The following TRPM6 variants were observed in gnomAD, a reference collection of about 807,000 sequenced individuals.
TRPM6 encodes the protein channel kinase 2.
In TRPM6, 111 loss-of-function variants were observed where a neutral mutation model predicts 247.6. The observed-to-expected ratio is 0.45, with a 90% CI of 0.38 to 0.52. The LOEUF (loss-of-function observed/expected upper bound fraction) is 0.52. Ranked by LOEUF, TRPM6 falls within the 20% of genes least tolerant of loss-of-function variation. TRPM6 has a pLI of 0.00. For missense variants in TRPM6, 2,126 were observed against 2,421.5 expected, an observed-to-expected ratio of 0.88 and a Z score of 2.56; for synonymous variants, 892 against 853.8, an observed-to-expected ratio of 1.04 and a Z score of -0.78.
intron 17 of TRPM6, among the ~76,000 whole-genome samples, chr9:74,797,613 T>C (rs1045185035): frequency 6.6e-6 from 1 of 152,166 alleles, no homozygotes; most frequent in African/African-American, 2.4e-5. Flanking sequence ...GTGGAACCCA[T>C]GGATATGAAG....
intron 18 of TRPM6, among the ~76,000 whole-genome samples, chr9:74,794,011 A>G (rs1210220226): frequency 1.3e-5 from 2 of 152,180 alleles, no homozygotes; most frequent in Non-Finnish European, 2.9e-5. Flanking sequence ...AAAAGAAAAG[A>G]GAAAAAGGAA....
intron 29 of TRPM6, 126 bp from the exon 30 acceptor site, chr9:74,750,848 T>C: frequency 1.1e-6 from 1 of 875,952 alleles, no homozygotes; most frequent in South Asian, 1.4e-5. Flanking sequence ...TGAATATTCT[T>C]CTTTTAAAAA....
chr9:74,878,577 A>C (rs1831261895), intron 1 of TRPM6, among the ~76,000 whole-genome samples: 1 of 152,216 alleles, frequency 6.6e-6, no homozygotes, highest in African/African-American at 2.4e-5. Context: ...CCAGAATCAA[A>C]GCCAAAGTGC....
chr9:74,836,530 T>C lies in TRPM6; in HGVS notation c.545-2408A>G, dbSNP rs144825992. Among the ~76,000 whole-genome samples the C allele has an allele frequency of 2.1e-3, 323 of 152,256 alleles. 6 individuals carry two copies. The highest frequency in any genetic ancestry group is 7.4e-3 in the African/African-American group (308 of 41,556). ...CATCCACCCCAGTAGAGATTCTGAT[T>C]CCATGGTTTGGCATGGTGTGCCAAC... On this transcript the variant is annotated intron_variant, in intron 5 of 38. Transcript: ENST00000360774.
intron 21 of TRPM6, among the ~76,000 whole-genome samples, chr9:74,783,425 G>C (rs1343947938): frequency 6.6e-6 from 1 of 152,230 alleles, no homozygotes; most frequent in African/African-American, 2.4e-5. Flanking sequence ...GGCTGGGGCT[G>C]TGAAACGTAT....
chr9:74,760,652 C>G (rs972121863), intron 27 of TRPM6, among the ~76,000 whole-genome samples: 10 of 152,176 alleles, frequency 6.6e-5, no homozygotes, highest in African/African-American at 2.4e-4. Flanking sequence ...ACTACACATT[C>G]ATTAATATGG....
At chr9:74,725,411 A>C (rs1166389430) in intron 38 of TRPM6, among the ~76,000 whole-genome samples, 1 of 152,174 alleles carries the variant, frequency 6.6e-6, no homozygotes, top group African/African-American at 2.4e-5. Context: ...AATAAAACTA[A>C]TACATATTAT....
chr9:74,861,780 AT>A (rs557860438), intron 1 of TRPM6, among the ~76,000 whole-genome samples: 83 of 150,252 alleles, frequency 5.5e-4, no homozygotes, highest in African/African-American at 1.7e-3. Flanking sequence ...ACTTTGATGT[AT>A]TTTTTTTTTC....
At chr9:74,813,404 T>C (rs924527975) in intron 11 of TRPM6, among the ~76,000 whole-genome samples, 1 of 152,198 alleles carries the variant, frequency 6.6e-6, no homozygotes, top group Admixed American at 6.5e-5. Flanking sequence ...AAAAACAAAA[T>C]ACATGTATAC....
chr9:74,830,113 A>G (rs1019208650), intron 6 of TRPM6, among the ~76,000 whole-genome samples: 2 of 152,206 alleles, frequency 1.3e-5, no homozygotes, highest in African/African-American at 4.8e-5. Flanking sequence ...CCTTGGCAAC[A>G]GAGCAAATTT....
intron 1 of TRPM6, chr9:74,887,481 A>T: frequency 9.2e-7 from 1 of 1,081,342 alleles, no homozygotes; most frequent in Admixed American, 2.3e-5. Context: ...GCGGAATCAG[A>T]GCTGCCTCCT....
chr9:74,745,609 A>C lies in TRPM6; in HGVS notation c.5084-1464T>G, dbSNP rs371485017. On this transcript the variant is annotated intron_variant, in intron 31 of 38. Coordinates refer to ENST00000360774, the MANE Select transcript of TRPM6 (RefSeq NM_017662.5). ...CACAGAGTTGAAGGAAGAGAGGGGC[A>C]GCAATATGTATAAATGAAGAGTATT... 1.3e-3 allele frequency among the ~76,000 whole-genome samples: 193 copies of C among 152,338 alleles called. 1 individual carries two copies. Among genetic ancestry groups the C allele is most frequent in the African/African-American group, 4.4e-3 (183 of 41,582 alleles).
rs1287245046 is a variant in TRPM6, at chr9:74,857,650, A to G, written c.113+1019T>C. The G allele has an allele frequency of 3.3e-5, 5 of 152,294 alleles. No homozygotes were observed. In the East Asian group the frequency reaches 7.7e-4, roughly 23 times the overall value. 9.4% of individuals were successfully genotyped at this position (152,294 alleles called of 1,614,324 possible). A position where few individuals can be genotyped will look rare whatever the true frequency, so the allele number is the denominator to read the frequency against. ...AAATTATTCCATTCTGCTACCGATT[A>G]TCTGCTCAATCCAAAAGCCTATGGG... On this transcript the variant is annotated intron_variant, in intron 2 of 38. Transcript: ENST00000360774.
chr9:74,783,861 C>A (rs1300301575), intron 21 of TRPM6, among the ~76,000 whole-genome samples: 1 of 152,138 alleles, frequency 6.6e-6, no homozygotes, highest in African/African-American at 2.4e-5. Context: ...CCAGAACTTG[C>A]CCCTTCCCTG....
chr9:74,873,026 G>A (rs1054619159), intron 1 of TRPM6, among the ~76,000 whole-genome samples: 1 of 152,100 alleles, frequency 6.6e-6, no homozygotes, highest in African/African-American at 2.4e-5. Context: ...TTCTTCACAC[G>A]CTTTACAGAG....
At chr9:74,887,153 G>C in intron 1 of TRPM6, 1 of 888,610 alleles carries the variant, frequency 1.1e-6, no homozygotes, top group Non-Finnish European at 1.5e-6. Flanking sequence ...AGAGGAGCCA[G>C]CGGGGACTCC....
chr9:74,824,124 G>T (rs1037125961), intron 7 of TRPM6, among the ~76,000 whole-genome samples: 1 of 151,184 alleles, frequency 6.6e-6, no homozygotes, highest in African/African-American at 2.4e-5. Flanking sequence ...CATTTTTGTG[G>T]AAGAGGAAGA....
chr9:74,840,251 A>T lies in TRPM6; in HGVS notation c.331-14T>A, dbSNP rs1220750066. On this transcript the variant is annotated splice_polypyrimidine_tract_variant and intron_variant, in intron 4 of 38. Coordinates refer to ENST00000360774, the MANE Select transcript of TRPM6 (RefSeq NM_017662.5). ...AGTTCTAATATACTGCAAGAAAAGC[A>T]CATGTAGGTGAACAGAACATTGTAA... 6.4e-7 allele frequency: 1 copy of T among 1,562,470 alleles called. No homozygotes were observed. The highest frequency in any genetic ancestry group is 8.8e-7 in the Non-Finnish European group (1 of 1,133,730).
intron 27 of TRPM6, among the ~76,000 whole-genome samples, chr9:74,757,670 C>T (rs1780730522): frequency 6.6e-6 from 1 of 151,936 alleles, no homozygotes; most frequent in South Asian, 2.1e-4. Flanking sequence ...TCCCAGCACT[C>T]GGGAAACCGA....
Sources: gnomAD v4.1 joint callset for allele counts (sites outside exome capture counted in the v4.1 genomes callset) on GRCh38, gnomAD v4.1.1 for gene constraint, MANE v1.5 for transcripts, NCBI Gene and HGNC (gene_info 2026-07-23, HGNC 2026-07-21) for gene names.